The following EPB41L3 variants were observed in gnomAD, a reference collection of about 807,000 sequenced individuals.
EPB41L3 encodes the protein band 4.1-like protein 3.
In EPB41L3, 57 loss-of-function variants were observed where a neutral mutation model predicts 127.1. That is an observed-to-expected ratio of 0.45 (90% CI 0.36 to 0.56). The LOEUF is 0.56. Among genes scored for constraint, EPB41L3 ranks in the 20% least tolerant of loss-of-function variants. EPB41L3 has a pLI of 0.00. For synonymous variants in EPB41L3, 572 were observed against 549.5 expected (o/e 1.04, Z -0.57); for missense variants, 1,273 against 1,372.2 (o/e 0.93, Z 1.14).
At chr18:5,619,878 G>C (rs182150826) in intron 1 of EPB41L3, among the ~76,000 whole-genome samples, 14 of 152,174 alleles carry the variant, frequency 9.2e-5, no homozygotes, top group African/African-American at 3.4e-4. Flanking sequence ...CAGGTAACAC[G>C]GTAAACAGTG....
chr18:5,429,018 A>AT (rs2145574407), intron 8 of EPB41L3, among the ~76,000 whole-genome samples: 2 of 152,248 alleles, frequency 1.3e-5, no homozygotes, highest in African/African-American at 4.8e-5. Flanking sequence ...GAGCCCCGAT[A>AT]TTTTTTATAT....
intron 8 of EPB41L3, among the ~76,000 whole-genome samples, chr18:5,430,728 A>G (rs1322520516): frequency 7.4e-6 from 1 of 135,164 alleles, no homozygotes; most frequent in Non-Finnish European, 1.6e-5. Context: ...CACACTCGAC[A>G]TTTTTTTTTT....
chr18:5,396,860 G>A (rs748130209), intron 18 of EPB41L3, among the ~76,000 whole-genome samples, 198 bp downstream of exon 18: 10 of 152,058 alleles, frequency 6.6e-5, no homozygotes, highest in African/African-American at 1.4e-4. Flanking sequence ...TAAGAGATAT[G>A]TTTGCATGTG....
chr18:5,583,379 G>A (rs2094413168), intron 3 of EPB41L3, among the ~76,000 whole-genome samples: 1 of 152,190 alleles, frequency 6.6e-6, no homozygotes, highest in African/African-American at 2.4e-5. Flanking sequence ...GCTCTTCCCT[G>A]TCCAGAAAGC....
Position 5,445,156 on chromosome 18 carries a change from T to C in EPB41L3, c.470A>G (p.Asp157Gly), listed in dbSNP as rs1380114884. Reference protein sequence around the residue: ...EKDYFGLTYRDAENQKNWLDP... With the variant: ...EKDYFGLTYRGAENQKNWLDP... Reference sequence around the variant, plus strand: ...ATCACTCACCTTCTGGTTTTCAGCATCTCGATACGTAAGCCCAAAGTAGTC... The same window carrying C: ...ATCACTCACCTTCTGGTTTTCAGCACCTCGATACGTAAGCCCAAAGTAGTC... Residue 157 changes from aspartate (D) to glycine (G), a missense_variant, in exon 4 of 23, where the codon GAT becomes GGT. By Grantham distance (94) the Asp-to-Gly change is moderately conservative (BLOSUM62 -1). Transcript: ENST00000341928. The C allele has an allele frequency of 1.2e-6, 2 of 1,614,030 alleles. No individual in the cohort carries two copies. The highest frequency in any genetic ancestry group is 8.5e-7 in the Non-Finnish European group (1 of 1,179,930).
At chr18:5,555,979 C>G (rs2094029252) in intron 3 of EPB41L3, among the ~76,000 whole-genome samples, 1 of 152,190 alleles carries the variant, frequency 6.6e-6, no homozygotes, top group Admixed American at 6.5e-5. Context: ...AACATTGCAC[C>G]TATGCGTTTG....
intron 3 of EPB41L3, among the ~76,000 whole-genome samples, chr18:5,577,010 A>AT (rs2094342795): frequency 6.6e-6 from 1 of 151,984 alleles, no homozygotes; most frequent in Non-Finnish European, 1.5e-5. Flanking sequence ...TCAGGCTGGC[A>AT]TGTACTAAGT....
At chr18:5,460,318 G>T (rs2083773812) in intron 3 of EPB41L3, among the ~76,000 whole-genome samples, 2 of 152,078 alleles carry the variant, frequency 1.3e-5, no homozygotes, top group Non-Finnish European at 1.5e-5. Flanking sequence ...CACACTGCAG[G>T]CACATCCCAT....
intron 3 of EPB41L3, among the ~76,000 whole-genome samples, chr18:5,596,291 G>A (rs1025169678): frequency 6.6e-6 from 1 of 152,180 alleles, no homozygotes; most frequent in Non-Finnish European, 1.5e-5. Flanking sequence ...AGGTCCTGGG[G>A]CCAAGGAATG....
chr18:5,419,843 G>T lies in EPB41L3; in HGVS notation c.1374C>A (p.Gly458=), dbSNP rs1369537097. 1.2e-6 allele frequency: 2 copies of T among 1,614,198 alleles called. No individual in the cohort carries two copies. Among genetic ancestry groups the T allele is most frequent in the South Asian group, 2.2e-5 (2 of 91,082 alleles). Residue 458 remains glycine (G), a synonymous_variant, in exon 12 of 23, where the codon GGC becomes GGA. Coordinates refer to ENST00000341928, the MANE Select transcript of EPB41L3 (RefSeq NM_012307.5). The part of the protein sequence containing the change: ...VGTGQYATTK[G]ISQTNLITTV... ...TGGTGATCAAGTTGGTCTGAGAGATGCCTTTTGTTGTGGCGTACTGGCCAG... is the reference window on the plus strand; with the variant it reads ...TGGTGATCAAGTTGGTCTGAGAGATTCCTTTTGTTGTGGCGTACTGGCCAG...
At chr18:5,542,872 A>T (rs2093773279) in intron 1 of EPB41L3, among the ~76,000 whole-genome samples, 1 of 152,224 alleles carries the variant, frequency 6.6e-6, no homozygotes, top group South Asian at 2.1e-4. Context: ...GAAGGGGAAG[A>T]AGTCCGGCGA....
intron 6 of EPB41L3, among the ~76,000 whole-genome samples, chr18:5,436,339 A>AT (rs769331696): frequency 6.6e-6 from 1 of 152,204 alleles, no homozygotes; most frequent in East Asian, 1.9e-4. Context: ...TAAACATTTA[A>AT]CAGCCTCAGC....
intron 1 of EPB41L3, among the ~76,000 whole-genome samples, chr18:5,621,517 T>C (rs373092559): frequency 2.6e-5 from 4 of 152,170 alleles, no homozygotes; most frequent in East Asian, 1.9e-4. Context: ...GGCTGGAGAA[T>C]TGCTTGAGCC....
At chr18:5,437,951 T>C (rs2145992576) in intron 6 of EPB41L3, 84 bp downstream of exon 6, 1 of 1,199,094 alleles carries the variant, frequency 8.3e-7, no homozygotes, top group East Asian at 2.6e-5. Flanking sequence ...GGCTACCAGA[T>C]GTAAGCACGC....
At chr18:5,557,706 T>G (rs1484628444) in intron 3 of EPB41L3, among the ~76,000 whole-genome samples, 1 of 152,176 alleles carries the variant, frequency 6.6e-6, no homozygotes, top group Non-Finnish European at 1.5e-5. Flanking sequence ...TTTTATAGCA[T>G]TTACTTGAGA....
At chr18:5,399,637 A>T (rs959841653) in intron 16 of EPB41L3, 1 of 331,876 alleles carries the variant, frequency 3.0e-6, no homozygotes, top group Admixed American at 4.8e-5. Context: ...CTTTGCAGTA[A>T]ATTTTTTGAA....
chr18:5,550,680 G>C (rs150675539), intron 3 of EPB41L3, among the ~76,000 whole-genome samples: 2 of 152,156 alleles, frequency 1.3e-5, no homozygotes, highest in Non-Finnish European at 2.9e-5. Context: ...TCTTCTATCA[G>C]GAGGGCACTT....
At chr18:5,533,523 T>C (rs1254395956) in intron 1 of EPB41L3, among the ~76,000 whole-genome samples, 3 of 152,202 alleles carry the variant, frequency 2.0e-5, no homozygotes, top group African/African-American at 4.8e-5. Context: ...ATCTCAAGTT[T>C]CACATATATA....
At chr18:5,424,476 C>A in intron 9 of EPB41L3, 117 bp from the exon 10 acceptor site, 1 of 705,696 alleles carries the variant, frequency 1.4e-6, no homozygotes, top group South Asian at 2.1e-5. Context: ...CTTACTAGAT[C>A]AATTGCTATA....
Sources: gnomAD v4.1 joint callset for allele counts (sites outside exome capture counted in the v4.1 genomes callset) on GRCh38, gnomAD v4.1.1 for gene constraint, MANE v1.5 for transcripts, NCBI Gene and HGNC (gene_info 2026-07-23, HGNC 2026-07-21) for gene names.